Variants in FBXL4 observed in about 807,000 individuals in gnomAD.
The protein encoded by FBXL4 is F-box and leucine rich repeat protein 4.
In FBXL4, 40 loss-of-function variants were observed where a neutral mutation model predicts 58.9. The ratio of observed to expected loss-of-function variants is 0.68; its 90% CI spans 0.53 to 0.88. The LOEUF is 0.88. Among genes scored for constraint, FBXL4 ranks in the 40% least tolerant of loss-of-function variants. The probability of loss-of-function intolerance (pLI) is 0.00; values close to 1 mark genes in which losing one functional copy is unlikely to be tolerated. For synonymous variants in FBXL4, 263 were observed against 265.5 expected, an observed-to-expected ratio of 0.99 and a Z score of 0.09; for missense variants, 676 against 734.4, an observed-to-expected ratio of 0.92 and a Z score of 0.92.
chr6:98,943,081 T>G (rs776342880), intron 1 of FBXL4, among the ~76,000 whole-genome samples: 2 of 151,630 alleles, frequency 1.3e-5, no homozygotes, highest in Non-Finnish European at 2.9e-5. Flanking sequence ...TGGTGAAATC[T>G]GAATAAGGTC....
intron 6 of FBXL4, among the ~76,000 whole-genome samples, chr6:98,899,807 C>A (rs1030333315): frequency 1.3e-5 from 2 of 150,044 alleles, no homozygotes; most frequent in East Asian, 3.9e-4. Flanking sequence ...AAAACAAAAA[C>A]AAAAAAAAAC....
At chr6:98,939,409 A>G (rs1196082321) in intron 1 of FBXL4, among the ~76,000 whole-genome samples, 1 of 152,074 alleles carries the variant, frequency 6.6e-6, no homozygotes, top group Non-Finnish European at 1.5e-5. Context: ...CATTAACTTC[A>G]CTTTCTCTCA....
chr6:98,907,583 G>C (rs1354883445), intron 5 of FBXL4, among the ~76,000 whole-genome samples: 3 of 152,120 alleles, frequency 2.0e-5, no homozygotes, highest in Non-Finnish European at 4.4e-5. Flanking sequence ...TAGTTTCAAA[G>C]AACTGCTTAA....
intron 4 of FBXL4, among the ~76,000 whole-genome samples, chr6:98,921,972 T>C (rs1277348731): frequency 1.3e-5 from 2 of 152,138 alleles, no homozygotes; most frequent in Admixed American, 1.3e-4. Flanking sequence ...CATTAAGATA[T>C]TATTCACAGG....
At chr6:98,880,359 T>A (rs1259911022) in intron 8 of FBXL4, among the ~76,000 whole-genome samples, 194 bp downstream of exon 8, 2 of 152,144 alleles carry the variant, frequency 1.3e-5, no homozygotes, top group Non-Finnish European at 2.9e-5. Flanking sequence ...CTCTCATGGA[T>A]AAATAATGTC....
At chr6:98,909,409 CT>C (rs1243295986) in intron 5 of FBXL4, among the ~76,000 whole-genome samples, 3 of 152,148 alleles carry the variant, frequency 2.0e-5, no homozygotes, top group Non-Finnish European at 4.4e-5. Context: ...AAATCCTATG[CT>C]TTGGTCACAC....
intron 1 of FBXL4, among the ~76,000 whole-genome samples, chr6:98,943,277 A>G (rs1259614965): frequency 6.6e-6 from 1 of 151,814 alleles, no homozygotes; most frequent in East Asian, 1.9e-4. Flanking sequence ...AAAAAAAAAA[A>G]GGACAAAATT....
rs1486217694 is a variant in FBXL4, at chr6:98,872,578, A to C, written c.*1700T>G. The C allele has an allele frequency of 6.6e-6, 1 of 152,210 alleles. No homozygotes were observed. Among genetic ancestry groups the C allele is most frequent in the Non-Finnish European group, 1.5e-5 (1 of 68,036 alleles). 9.4% of individuals were successfully genotyped at this position (152,210 alleles called of 1,614,324 possible). ...CTAAATTATTGTTTTGAATTTTGTCAATAAAATTTTCGTGCAAATTTTATT... is the reference window on the plus strand; with the variant it reads ...CTAAATTATTGTTTTGAATTTTGTCCATAAAATTTTCGTGCAAATTTTATT... On this transcript the variant is annotated 3_prime_UTR_variant, in exon 10 of 10. Transcript: ENST00000369244.
chr6:98,926,764 C>T lies in FBXL4; in HGVS notation c.225G>A (p.Met75Ile). ...YGSENSMSYT[M>I]WNLAGVPNVF... ...CATTTGGTACACCAGCCAAATTCCA[C>T]ATAGTATAGGACATACTATTCTCAC... The change falls in exon 4 of 10, where the codon ATG becomes ATA. Residue 75 changes from methionine to isoleucine, a missense_variant. Coordinates refer to ENST00000369244, the MANE Select transcript of FBXL4 (RefSeq NM_001278716.2). The T allele has an allele frequency of 6.2e-7, 1 of 1,614,192 alleles. No individual in the cohort carries two copies.
rs1287653977 is a variant in FBXL4 at position 98,922,169 on chromosome 6, G to A, written c.512+4308C>T. Among the ~76,000 whole-genome samples the A allele has an allele frequency of 1.1e-4, 17 of 152,116 alleles. No homozygotes were observed. The East Asian group carries it at 2.3e-3, about 21-fold the overall frequency. On this transcript the variant is annotated intron_variant, in intron 4 of 9. Coordinates refer to ENST00000369244, the MANE Select transcript of FBXL4 (RefSeq NM_001278716.2). ...TCTCAAACGCTTGACCTTGTTATCCGCCCCCCTCGGCCTCCCAAAGTGCTG... is the reference window on the plus strand; with the variant it reads ...TCTCAAACGCTTGACCTTGTTATCCACCCCCCTCGGCCTCCCAAAGTGCTG...
chr6:98,887,245 G>A (rs1318373589), intron 7 of FBXL4, among the ~76,000 whole-genome samples: 6 of 152,280 alleles, frequency 3.9e-5, no homozygotes, highest in African/African-American at 7.2e-5. Flanking sequence ...CAGCCTAAGC[G>A]AATGAGCAAG....
In FBXL4 at chr6:98,875,523, G is replaced by A; in HGVS notation, c.1594C>T (p.Leu532Phe). ...TGCFTRLAHQ[L>F]PNLQKLFLTA... ...AGAAAGAGTTTTTGCAAGTTTGGGA[G>A]CTGGTGTGCCAGTCTGGTGAAGCAC... Residue 532 changes from leucine to phenylalanine, a missense_variant, in exon 9 of 10, where the codon CTC becomes TTC. Coordinates refer to ENST00000369244, the MANE Select transcript of FBXL4 (RefSeq NM_001278716.2). 6.2e-7 allele frequency: 1 copy of A among 1,614,160 alleles called. No homozygotes were observed. The highest frequency in any genetic ancestry group is 8.5e-7 in the Non-Finnish European group (1 of 1,180,016).
chr6:98,874,889 T>C (rs951435677), intron 9 of FBXL4, among the ~76,000 whole-genome samples: 1 of 152,172 alleles, frequency 6.6e-6, no homozygotes, highest in Non-Finnish European at 1.5e-5. Flanking sequence ...GCAACAAAAT[T>C]ACACAGGGTT....
At chr6:98,920,681 G>T (rs1227108054) in intron 4 of FBXL4, among the ~76,000 whole-genome samples, 1 of 152,044 alleles carries the variant, frequency 6.6e-6, no homozygotes, top group Non-Finnish European at 1.5e-5. Flanking sequence ...AATGAGAAAG[G>T]TATCTATCTT....
Position 98,869,989 on chromosome 6 carries a change from T to C in FBXL4, c.*4289A>G, listed in dbSNP as rs1770450625. The C allele has an allele frequency of 6.6e-6, 1 of 152,184 alleles. No individual in the cohort carries two copies. The highest frequency in any genetic ancestry group is 1.5e-5 in the Non-Finnish European group (1 of 68,028). 9.4% of individuals were successfully genotyped at this position (152,184 alleles called of 1,614,324 possible). ...TACCTGAGCAAAATGCAAAGATAAA[T>C]AATTATACAAAAATTTAAGTCAGTT... On this transcript the variant is annotated 3_prime_UTR_variant, in exon 10 of 10. Coordinates refer to ENST00000369244, the MANE Select transcript of FBXL4 (RefSeq NM_001278716.2).
chr6:98,871,369 C>A lies in FBXL4; in HGVS notation c.*2909G>T, dbSNP rs1173585714. On this transcript the variant is annotated 3_prime_UTR_variant, in exon 10 of 10. Transcript: ENST00000369244. ...GCTCTTGATGAGTCAACAGATGTTA[C>A]TGACACTGCCTAGTTATTGCTTATT... The A allele has an allele frequency of 1.3e-5, 2 of 152,204 alleles. No individual in the cohort carries two copies. The highest frequency in any genetic ancestry group is 2.9e-5 in the Non-Finnish European group (2 of 68,042). The allele number at this position is 152,204 out of a possible 1,614,324, so 9.4% of individuals were successfully genotyped here.
chr6:98,905,875 T>C (rs1448534485), intron 5 of FBXL4, among the ~76,000 whole-genome samples: 1 of 152,184 alleles, frequency 6.6e-6, no homozygotes, highest in African/African-American at 2.4e-5. Flanking sequence ...TTATTCAAAG[T>C]ATACTCACCT....
rs547553265 is a variant in FBXL4, at chr6:98,927,091, A to G, written c.-72-31T>C. The G allele has an allele frequency of 1.6e-5, 18 of 1,125,740 alleles. No homozygotes were observed. The South Asian group carries it at 2.3e-4, about 14-fold the overall frequency. The allele number at this position is 1,125,740 out of a possible 1,614,324, so 69.7% of individuals were successfully genotyped here. A position where few individuals can be genotyped will look rare whatever the true frequency, so the allele number is the denominator to read the frequency against. On this transcript the variant is annotated intron_variant, in intron 3 of 9. Coordinates refer to ENST00000369244, the MANE Select transcript of FBXL4 (RefSeq NM_001278716.2). ...AAAATGAATGGCTTGGTGAAGTAAA[A>G]TAATTTAAATAAGCAGAAAAATGCA...
intron 2 of FBXL4, among the ~76,000 whole-genome samples, chr6:98,932,443 A>C (rs1356282961): frequency 6.6e-6 from 1 of 152,206 alleles, no homozygotes; most frequent in African/African-American, 2.4e-5. Context: ...CCATATTATA[A>C]AATGCTTAAC....
Sources: gnomAD v4.1 joint callset for allele counts (sites outside exome capture counted in the v4.1 genomes callset) on GRCh38, gnomAD v4.1.1 for gene constraint, MANE v1.5 for transcripts, NCBI Gene and HGNC (gene_info 2026-07-23, HGNC 2026-07-21) for gene names.